NCOR2: variants seen among roughly 807,000 people sequenced by gnomAD.
NCOR2 encodes CTG repeat protein 26.
Under a neutral mutation model 262.9 loss-of-function variants are expected in NCOR2, and 81 were observed. The ratio of observed to expected loss-of-function variants is 0.31; its 90% CI spans 0.26 to 0.37. The LOEUF is 0.37. NCOR2 is among the 10% of genes least tolerant of loss of function. The probability of loss-of-function intolerance (pLI) is 1.00; values close to 1 mark genes in which losing one functional copy is unlikely to be tolerated. For synonymous variants in NCOR2, 1,659 were observed against 1,559.3 expected (o/e 1.06, Z -1.51); for missense variants, 3,385 against 3,621.4 (o/e 0.93, Z 1.68).
chr12:124,546,775 T>C (rs1022744400), intron 1 of NCOR2, among the ~76,000 whole-genome samples: 49 of 151,998 alleles, frequency 3.2e-4, no homozygotes, highest in Admixed American at 3.0e-3. Context: ...CACCGTCGCG[T>C]CCTGTCCAGC....
At chr12:124,469,222 G>T (rs573412529) in intron 4 of NCOR2, among the ~76,000 whole-genome samples, 1 of 152,046 alleles carries the variant, frequency 6.6e-6, no homozygotes. Flanking sequence ...CACTTATGAC[G>T]CTCGCACAGC....
chr12:124,350,665 C>A (rs1460987551), exon 28 of NCOR2: 2 of 1,613,878 alleles, frequency 1.2e-6, no homozygotes, highest in East Asian at 2.2e-5. Context: ...CGGCCGCGGT[C>A]CAAGCGACTC....
intron 22 of NCOR2, among the ~76,000 whole-genome samples, chr12:124,361,608 C>A (rs945970226): frequency 6.6e-6 from 1 of 152,232 alleles, no homozygotes; most frequent in South Asian, 2.1e-4. Flanking sequence ...GGGCCTGGAG[C>A]AAGGTCAGGA....
chr12:124,354,514 C>A, exon 26 of NCOR2: 1 of 1,593,612 alleles, frequency 6.3e-7, no homozygotes, highest in South Asian at 1.1e-5. Flanking sequence ...GTGGGCACCC[C>A]CAGGCTCTCC....
chr12:124,447,742 G>A (rs2045272462), intron 7 of NCOR2, among the ~76,000 whole-genome samples: 1 of 151,284 alleles, frequency 6.6e-6, no homozygotes, highest in African/African-American at 2.4e-5. Flanking sequence ...TGTCACCCAG[G>A]CTGGAGTACA....
intron 8 of NCOR2, among the ~76,000 whole-genome samples, chr12:124,431,834 C>T (rs1203941266): frequency 1.3e-5 from 2 of 151,906 alleles, no homozygotes; most frequent in African/African-American, 4.8e-5. Flanking sequence ...CACAGTCACA[C>T]AGGCAGACAG....
At chr12:124,383,885 C>T (rs572684296) in intron 17 of NCOR2, among the ~76,000 whole-genome samples, 3 of 152,206 alleles carry the variant, frequency 2.0e-5, no homozygotes, top group African/African-American at 7.2e-5. Context: ...TCTGGTCCTC[C>T]AAGCCACTCT....
intron 43 of NCOR2, chr12:124,332,058 A>T: frequency 2.1e-6 from 1 of 473,878 alleles, no homozygotes; most frequent in Admixed American, 3.3e-5. Context: ...GTATTCATGC[A>T]GGTATTCACT....
At chr12:124,362,236 G>C (rs557265827) in exon 22 of NCOR2, 1 of 1,315,672 alleles carries the variant, frequency 7.6e-7, no homozygotes, top group Non-Finnish European at 9.7e-7. Flanking sequence ...CGGTGGGGCT[G>C]GGGGAGCTGG....
At chr12:124,546,915 G>A (rs1181327773) in intron 1 of NCOR2, among the ~76,000 whole-genome samples, 5 of 152,186 alleles carry the variant, frequency 3.3e-5, no homozygotes, top group Non-Finnish European at 7.3e-5. Context: ...GCCCTTATCT[G>A]ACTGAACAAT....
At chr12:124,430,312 CA>C (rs1282154134) in intron 9 of NCOR2, among the ~76,000 whole-genome samples, 21 of 152,218 alleles carry the variant, frequency 1.4e-4, no homozygotes, top group Admixed American at 3.3e-4. Flanking sequence ...TGTCCCACAC[CA>C]GGGATCTCAA....
intron 16 of NCOR2, among the ~76,000 whole-genome samples, chr12:124,392,767 A>G (rs1684647480): frequency 6.6e-6 from 1 of 152,136 alleles, no homozygotes; most frequent in South Asian, 2.1e-4. Context: ...TCCCCTTCCC[A>G]TGCCTTAGAC....
intron 1 of NCOR2, among the ~76,000 whole-genome samples, chr12:124,518,525 G>A (rs1052007120): frequency 2.6e-5 from 4 of 152,248 alleles, no homozygotes; most frequent in African/African-American, 7.2e-5. Flanking sequence ...GGCCGTGAAC[G>A]AGACGTCGGG....
At chr12:124,383,861 A>C (rs938182476) in intron 17 of NCOR2, among the ~76,000 whole-genome samples, 3 of 152,200 alleles carry the variant, frequency 2.0e-5, no homozygotes, top group African/African-American at 7.2e-5. Flanking sequence ...GGGATGGTTC[A>C]CCGTGCTGGG....
intron 1 of NCOR2, among the ~76,000 whole-genome samples, chr12:124,493,667 T>G (rs547523346): frequency 5.3e-4 from 81 of 152,340 alleles, no homozygotes; most frequent in African/African-American, 1.7e-3. Context: ...TGACCCATAG[T>G]AGGTGCTCAG....
At position 124,477,996 on chromosome 12, in the gene NCOR2, C is replaced by T. The variant is rs2047200236; in HGVS notation, c.412-4865G>A. ...GGCCCAGCTTCACGCACTCCCAATA[C>T]ACCCCCTACTCCGGCCACAATGACA... is the stretch of plus-strand genomic sequence containing the variant. On this transcript the variant is annotated intron_variant, in intron 3 of 46. Transcript: ENST00000405201. Among the ~76,000 whole-genome samples, 5 of 152,226 alleles carry T rather than the reference C, an allele frequency of 3.3e-5. 1 individual carries two copies. The South Asian group carries it at 1.0e-3, about 32-fold the overall frequency.
Position 124,413,504 on chromosome 12 carries a change from C to T in NCOR2, c.1482+6453G>A, listed in dbSNP as rs533359152. ...TGTGGGGCGAGCAAGCTTGGGGACA[C>T]GAGGCAGGAAGGCCCCTGCGAGCGG... On this transcript the variant is annotated intron_variant, in intron 13 of 46. Coordinates refer to ENST00000405201, the Ensembl canonical transcript of NCOR2. 1.2e-4 allele frequency among the ~76,000 whole-genome samples: 18 copies of T among 152,250 alleles called. 2 individuals are homozygous for T. The highest frequency in any genetic ancestry group is 1.0e-3 in the South Asian group (5 of 4,812).
At position 124,473,547 on chromosome 12, in the gene NCOR2, G is replaced by A. The variant is rs149193285; in HGVS notation, c.412-416C>T. Among the ~76,000 whole-genome samples, 489 of 152,178 alleles carry A rather than the reference G, an allele frequency of 3.2e-3. 2 individuals carry two copies. The highest frequency in any genetic ancestry group is 0.011 in the African/African-American group (462 of 41,520). The stretch of plus-strand genomic sequence containing the variant: ...GCCTGTTGTGGGACCTTGTGATCGT[G>A]TGAGTTAATACTCCTTAATAAACTC... On this transcript the variant is annotated intron_variant, in intron 3 of 46. Transcript: ENST00000405201.
chr12:124,383,802 C>A (rs1253432860), intron 17 of NCOR2, among the ~76,000 whole-genome samples: 1 of 152,214 alleles, frequency 6.6e-6, no homozygotes, highest in African/African-American at 2.4e-5. Flanking sequence ...CACAGGGGTG[C>A]CCAAATCCAC....
Sources: allele counts gnomAD v4.1 joint callset (sites outside exome capture counted in the v4.1 genomes callset), GRCh38; gene constraint gnomAD v4.1.1; transcripts MANE v1.5; gene names NCBI Gene and HGNC (gene_info 2026-07-23, HGNC 2026-07-21).